ZNF280D: variants seen among roughly 807,000 people sequenced by gnomAD.
ZNF280D encodes zinc finger protein 280D.
In ZNF280D, 39 loss-of-function variants were observed where a neutral mutation model predicts 94.7. The observed-to-expected ratio is 0.41, with a 90% confidence interval of 0.32 to 0.54. The LOEUF is 0.54. Among genes scored for constraint, ZNF280D ranks in the 20% least tolerant of loss-of-function variants. ZNF280D has a pLI of 0.22. For missense variants in ZNF280D, 1,090 were observed against 1,149.3 expected, an observed-to-expected ratio of 0.95 and a Z score of 0.75; for synonymous variants, 398 against 377.6, an observed-to-expected ratio of 1.05 and a Z score of -0.63.
At chr15:56,643,018 T>G in intron 19 of ZNF280D, 21 bp from the exon 20 acceptor site, 1 of 1,437,404 alleles carries the variant, frequency 7.0e-7, no homozygotes. Flanking sequence ...AGATAAGTAT[T>G]GAATATTTTA....
intron 1 of ZNF280D, among the ~76,000 whole-genome samples, chr15:56,715,334 A>G (rs1006165054): frequency 2.6e-5 from 4 of 152,166 alleles, no homozygotes; most frequent in Admixed American, 1.3e-4. Context: ...CAGTGTATAT[A>G]AAGTACAAAG....
chr15:56,646,981 C>T (rs2052924849), intron 19 of ZNF280D, among the ~76,000 whole-genome samples: 1 of 152,138 alleles, frequency 6.6e-6, no homozygotes, highest in African/African-American at 2.4e-5. Flanking sequence ...TTGGTGGTCT[C>T]ATATCACTGA....
chr15:56,717,829 TC>T (rs1406942974), intron 1 of ZNF280D, among the ~76,000 whole-genome samples: 9 of 152,044 alleles, frequency 5.9e-5, no homozygotes, highest in Admixed American at 1.3e-4. Context: ...TCTATTTGCC[TC>T]CACCAGGAAT....
rs2052034388 is a variant in ZNF280D at position 56,630,491 on chromosome 15, T to TAAAC, written c.*1006_*1007insGTTT. ...CAAAACCAGTTCTTTTACATCACTG[T>TAAAC]TTTAGGTCCCATTTGAAGTTTTTAT... On this transcript the variant is annotated 3_prime_UTR_variant, in exon 22 of 22. Transcript: ENST00000267807. 1 of 152,104 alleles carries TAAAC rather than the reference T, an allele frequency of 6.6e-6. No homozygotes were observed. Among genetic ancestry groups the TAAAC allele is most frequent in the Non-Finnish European group, 1.5e-5 (1 of 67,990 alleles). 9.4% of individuals were successfully genotyped at this position (152,104 alleles called of 1,614,324 possible).
intron 6 of ZNF280D, among the ~76,000 whole-genome samples, chr15:56,693,989 G>T (rs759555527): frequency 9.9e-5 from 15 of 152,110 alleles, no homozygotes; most frequent in Non-Finnish European, 1.8e-4. Flanking sequence ...ATGCCAGGCA[G>T]ACAGGGTTTA....
rs573665201 is a variant in ZNF280D, at chr15:56,694,456, A to T, written c.382-1241T>A. Among the ~76,000 whole-genome samples the T allele has an allele frequency of 3.3e-5, 5 of 152,256 alleles. No individual in the cohort carries two copies. In the South Asian group the frequency reaches 1.0e-3, roughly 32 times the overall value. Reference sequence around the variant, plus strand: ...ATACATAACAAGCGGATTAACAATGATTAAAAATTAAAGGAAAAAAGGCTA... The same window carrying T: ...ATACATAACAAGCGGATTAACAATGTTTAAAAATTAAAGGAAAAAAGGCTA... On this transcript the variant is annotated intron_variant, in intron 6 of 21. Coordinates refer to ENST00000267807, the MANE Select transcript of ZNF280D (RefSeq NM_017661.4).
Position 56,678,678 on chromosome 15 carries a change from G to T in ZNF280D, c.1148C>A (p.Pro383His). ...TGGTAACTTACTAGAAAATTCATGG[G>T]GCGTATGTGTACTTTCGATGTGACA... ...LQCHIESTHT[P>H]HEFSTICKIC... is the part of the protein sequence containing the mutation. Residue 383 changes from proline to histidine, a missense_variant, in exon 11 of 22, where the codon CCC (proline) becomes CAC (histidine). Around this residue, in one of 3 missense-constraint regions of ZNF280D, gnomAD observed 127 missense variants for 208.6 expected, o/e 0.61. Transcript: ENST00000267807. The T allele has an allele frequency of 6.2e-7, 1 of 1,605,172 alleles. No individual in the cohort carries two copies. The highest frequency in any genetic ancestry group is 1.1e-5 in the South Asian group (1 of 89,484).
chr15:56,672,136 T>C (rs2054908477), intron 13 of ZNF280D, among the ~76,000 whole-genome samples: 1 of 152,136 alleles, frequency 6.6e-6, no homozygotes, highest in Admixed American at 6.6e-5. Flanking sequence ...CAAAGATAGT[T>C]TGACTTCCTC....
At chr15:56,642,011 AG>A (rs2052653241) in intron 20 of ZNF280D, among the ~76,000 whole-genome samples, 1 of 151,714 alleles carries the variant, frequency 6.6e-6, no homozygotes, top group African/African-American at 2.4e-5. Flanking sequence ...CATGAATGAG[AG>A]GGGATATCAC....
rs576405212 is a variant in ZNF280D at position 56,706,487 on chromosome 15, T to TAACA, written c.28+591_28+594dup. ...AGTGAGAATCTGTCTCAAAACAAAC[T>TAACA]AACAAACAAACAAAAAACGAGAAGA... On this transcript the variant is annotated intron_variant, in intron 3 of 21. Coordinates refer to ENST00000267807, the MANE Select transcript of ZNF280D (RefSeq NM_017661.4). Among the ~76,000 whole-genome samples the TAACA allele has an allele frequency of 2.4e-3, 362 of 151,302 alleles. 5 individuals are homozygous for TAACA. The highest frequency in any genetic ancestry group is 3.2e-3 in the Non-Finnish European group (217 of 67,754).
chr15:56,676,984 T>G (rs533466547), intron 12 of ZNF280D, among the ~76,000 whole-genome samples, 168 bp from the exon 13 acceptor site: 2 of 152,300 alleles, frequency 1.3e-5, no homozygotes, highest in Non-Finnish European at 2.9e-5. Context: ...AGACCATCTT[T>G]GAGACATTAA....
chr15:56,731,788 C>A (rs2058905611), intron 1 of ZNF280D, among the ~76,000 whole-genome samples: 1 of 152,024 alleles, frequency 6.6e-6, no homozygotes, highest in Non-Finnish European at 1.5e-5. Flanking sequence ...AAAAAGGTAG[C>A]GTTAAAACTA....
Position 56,676,637 on chromosome 15 carries a change from C to T in ZNF280D, c.1410+33G>A, listed in dbSNP as rs75720156. On this transcript the variant is annotated intron_variant, in intron 13 of 21. Transcript: ENST00000267807. The stretch of plus-strand genomic sequence containing the variant: ...ATAATCAGTTTTTTCACTAAGACAA[C>T]ATAATAAACAAATAAGAACTGGTAA... The T allele has an allele frequency of 8.0e-5, 125 of 1,553,584 alleles. 1 individual carries two copies. In the East Asian group the frequency reaches 2.7e-3, roughly 33 times the overall value.
chr15:56,677,754 A>T, intron 11 of ZNF280D, 80 bp from the exon 12 acceptor site: 1 of 468,112 alleles, frequency 2.1e-6, no homozygotes, highest in East Asian at 5.3e-5. Flanking sequence ...TATCAACAAC[A>T]ATAACAGTAG....
At chr15:56,684,046 G>A (rs1269653069) in intron 9 of ZNF280D, among the ~76,000 whole-genome samples, 2 of 152,152 alleles carry the variant, frequency 1.3e-5, no homozygotes, top group Non-Finnish European at 2.9e-5. Flanking sequence ...CAGAAGCTGA[G>A]GCAAGAAGGA....
chr15:56,710,915 A>G (rs2057725705), intron 1 of ZNF280D, among the ~76,000 whole-genome samples: 1 of 151,762 alleles, frequency 6.6e-6, no homozygotes, highest in Non-Finnish European at 1.5e-5. Flanking sequence ...TGCACATTTA[A>G]AAAAAGAATA....
chr15:56,733,472 A>G lies in ZNF280D; in HGVS notation c.-100T>C, dbSNP rs2059008617. 9.1e-7 allele frequency: 1 copy of G among 1,103,760 alleles called. No individual in the cohort carries two copies. Among genetic ancestry groups the G allele is most frequent in the South Asian group, 2.0e-5 (1 of 50,824 alleles). 68.4% of individuals were successfully genotyped at this position (1,103,760 alleles called of 1,614,324 possible). ...GGGGCGCTTACCGTGAGCGGAGCGGATCGGCCTGACTGGAGCCCTGAGGAG... is the reference window on the plus strand; with the variant it reads ...GGGGCGCTTACCGTGAGCGGAGCGGGTCGGCCTGACTGGAGCCCTGAGGAG... On this transcript the variant is annotated 5_prime_UTR_variant, in exon 1 of 22. Coordinates refer to ENST00000267807, the MANE Select transcript of ZNF280D (RefSeq NM_017661.4).
intron 1 of ZNF280D, among the ~76,000 whole-genome samples, chr15:56,717,713 A>G (rs1208932633): frequency 1.3e-5 from 2 of 152,166 alleles, no homozygotes; most frequent in Non-Finnish European, 2.9e-5. Context: ...ACAGCTGTGG[A>G]AATTTAGTTA....
chr15:56,716,190 T>G (rs1472363648), intron 1 of ZNF280D, among the ~76,000 whole-genome samples: 2 of 152,070 alleles, frequency 1.3e-5, no homozygotes, highest in East Asian at 3.9e-4. Flanking sequence ...TGAACAAAAA[T>G]TAATACATAC....
Sources: gnomAD v4.1 joint callset for allele counts (sites outside exome capture counted in the v4.1 genomes callset) on GRCh38, gnomAD v4.1.1 for gene constraint, gnomAD v4.1.1 regional missense constraint, MANE v1.5 for transcripts, NCBI Gene and HGNC (gene_info 2026-07-23, HGNC 2026-07-21) for gene names.